SRRM2: variants seen among roughly 807,000 people sequenced by gnomAD.
SRRM2 encodes serine/arginine repetitive matrix 2, also known as serine/arginine repetitive matrix protein 2.
A neutral mutation model predicts 213.8 loss-of-function variants in SRRM2; 30 were observed. The observed-to-expected ratio is 0.14, with a 90% CI of 0.10 to 0.19. The LOEUF (loss-of-function observed/expected upper bound fraction) is 0.19, where lower values mean the gene tolerates loss of function less well. SRRM2 is among the 10% of genes least tolerant of loss of function. The probability of loss-of-function intolerance (pLI) is 1.00; values close to 1 mark genes in which losing one functional copy is unlikely to be tolerated. For missense variants in SRRM2, 4,904 were observed against 3,647.0 expected, an observed-to-expected ratio of 1.34 and a Z score of -8.88; for synonymous variants, 2,025 against 1,377.7, an observed-to-expected ratio of 1.47 and a Z score of -10.40.
In SRRM2 at chr16:2,769,032, TTCGAGAGGGACGTCC is replaced by T; in HGVS notation, c.7772_7786del (p.Arg2591_Pro2595del). On this transcript the variant is annotated inframe_deletion, in exon 12 of 15. Coordinates refer to ENST00000301740, the MANE Select transcript of SRRM2 (RefSeq NM_016333.4). ...CCCACCCCAGCCCCAAAGGAGGCTG[TTCGAGAGGGACGTCC>T]TCCGGAGCCAACCCCAGCCAAACGG... 6.2e-7 allele frequency: 1 copy of T among 1,614,034 alleles called. No individual in the cohort carries two copies. Among genetic ancestry groups the T allele is most frequent in the East Asian group, 2.2e-5 (1 of 44,872 alleles).
chr16:2,771,296 A>T lies in SRRM2; in HGVS notation c.*429A>T. On this transcript the variant is annotated 3_prime_UTR_variant, in exon 15 of 15. Coordinates refer to ENST00000301740, the MANE Select transcript of SRRM2 (RefSeq NM_016333.4). ...AATTAGTTGGTCCCTACTGTCCCCC[A>T]TGAGGTTGTGAACCCCTCCCCCCAA... is the stretch of plus-strand genomic sequence containing the variant. 2 of 986,238 alleles carry T rather than the reference A, an allele frequency of 2.0e-6. No individual in the cohort carries two copies. The highest frequency in any genetic ancestry group is 1.6e-6 in the Non-Finnish European group (1 of 628,518). 61.1% of individuals were successfully genotyped at this position (986,238 alleles called of 1,614,324 possible).
intron 5 of SRRM2, 83 bp from the exon 6 acceptor site, chr16:2,758,902 A>G: frequency 2.0e-6 from 3 of 1,524,340 alleles, no homozygotes; most frequent in South Asian, 2.3e-5. Context: ...GTGTTTTAGA[A>G]ACCTTTTTAG....
Position 2,768,854 on chromosome 16 carries a change from A to G in SRRM2, c.7734-143A>G, listed in dbSNP as rs1048376929. 4.6e-6 allele frequency: 7 copies of G among 1,520,216 alleles called. No individual in the cohort carries two copies. In the South Asian group the frequency reaches 6.0e-5, roughly 13 times the overall value. The allele number at this position is 1,520,216 out of a possible 1,614,324, so 94.2% of individuals were successfully genotyped here. A position where few individuals can be genotyped will look rare whatever the true frequency, so the allele number is the denominator to read the frequency against. On this transcript the variant is annotated intron_variant, in intron 11 of 14. Transcript: ENST00000301740. Reference sequence around the variant, plus strand: ...GTCAGCTCGCACCACTGCTCTCCAGAGAATTGCTGGCTCACGTGGCTCGGA... The same window carrying G: ...GTCAGCTCGCACCACTGCTCTCCAGGGAATTGCTGGCTCACGTGGCTCGGA...
rs1341069319 is a variant in SRRM2, at chr16:2,756,582, TGGA to T, written c.223_225del (p.Glu75del). 1 of 1,613,320 alleles carries T rather than the reference TGGA, an allele frequency of 6.2e-7. No homozygotes were observed. The highest frequency in any genetic ancestry group is 8.5e-7 in the Non-Finnish European group (1 of 1,179,714). ...CGCGTCGAGCTGCGATGCCTCGAGC[TGGA>T]GGAGATGATGGAAGAGCAGGGGTGA... On this transcript the variant is annotated inframe_deletion, in exon 2 of 15. Coordinates refer to ENST00000301740, the MANE Select transcript of SRRM2 (RefSeq NM_016333.4).
In SRRM2 at chr16:2,767,554, G is replaced by A; in HGVS notation, c.7026G>A (p.Arg2342=). 1 of 1,614,146 alleles carries A rather than the reference G, an allele frequency of 6.2e-7. No homozygotes were observed. The highest frequency in any genetic ancestry group is 2.2e-5 in the East Asian group (1 of 44,884). The change falls in exon 11 of 15, where the codon CGG becomes CGA. Residue 2342 remains arginine (R), a synonymous_variant. Coordinates refer to ENST00000301740, the MANE Select transcript of SRRM2 (RefSeq NM_016333.4). ...APASANLVGP[R]SAHATAPVNI... is the part of the protein sequence containing the mutation. ...CCTCTGCAAACCTGGTGGGTCCTCG[G>A]TCTGCACATGCCACAGCTCCTGTGA...
chr16:2,766,877 T>A lies in SRRM2; in HGVS notation c.6349T>A (p.Phe2117Ile). The change falls in exon 11 of 15, where the codon TTC becomes ATC. Residue 2117 changes from phenylalanine (F) to isoleucine (I), a missense_variant. Coordinates refer to ENST00000301740, the MANE Select transcript of SRRM2 (RefSeq NM_016333.4). The surrounding 1 kb of genome is among the most constrained non-coding windows in gnomAD (Gnocchi z 7.0). ...ACTCAACAGTTCCAGAATGAGCTGC[T>A]TCAGTCGTCCTAGCATGTCCCCAAC... ...VALNSSRMSCFSRPSMSPTPL... is the reference protein window; with the variant it reads ...VALNSSRMSCISRPSMSPTPL... The A allele has an allele frequency of 6.2e-7, 1 of 1,614,112 alleles. No individual in the cohort carries two copies. The highest frequency in any genetic ancestry group is 8.5e-7 in the Non-Finnish European group (1 of 1,180,024).
Position 2,764,741 on chromosome 16 carries a change from C to T in SRRM2, c.4213C>T (p.Pro1405Ser), listed in dbSNP as rs769689918. The change falls in exon 11 of 15, where the codon CCT becomes TCT. Residue 1405 changes from proline to serine, a missense_variant. By Grantham distance (74) the Pro-to-Ser change is moderately conservative (BLOSUM62 -1). Transcript: ENST00000301740. ...GTCTTCAAATCAGAGCATCTCTTCA[C>T]CTGTGCTTGATGCTGTACCCAGAAC... ...GMSSNQSISS[P>S]VLDAVPRTPS... is the part of the protein sequence containing the mutation. 5 of 1,614,064 alleles carry T rather than the reference C, an allele frequency of 3.1e-6. No homozygotes were observed. The highest frequency in any genetic ancestry group is 1.3e-5 in the African/African-American group (1 of 74,932).
Position 2,762,389 on chromosome 16 carries a change from G to A in SRRM2, c.1861G>A (p.Ala621Thr), listed in dbSNP as rs1481037174. The change falls in exon 11 of 15, where the codon GCT becomes ACT. Residue 621 changes from alanine (A) to threonine (T), a missense_variant. By Grantham distance (58) the Ala-to-Thr change is moderately conservative. Transcript: ENST00000301740. Reference sequence around the variant, plus strand: ...GGGCAGGTCTCGGTCTAGAACACCTGCTAGGCGCAGATCTAGGACCCGATC... The same window carrying A: ...GGGCAGGTCTCGGTCTAGAACACCTACTAGGCGCAGATCTAGGACCCGATC... ...RRGRSRSRTP[A>T]RRRSRTRSPV... 6.2e-7 allele frequency: 1 copy of A among 1,613,990 alleles called. No individual in the cohort carries two copies. The highest frequency in any genetic ancestry group is 1.3e-5 in the African/African-American group (1 of 74,898).
In SRRM2 at chr16:2,767,643, C is replaced by T. The variant is rs200491858; in HGVS notation, c.7115C>T (p.Ala2372Val). ...APASLTSARM[A>V]PALSGANLTS... ...GCGAGCCTCACCAGTGCTAGGATGG[C>T]TCCAGCATTGTCTGGTGCAAACCTC... Residue 2372 changes from alanine (A) to valine (V), a missense_variant, in exon 11 of 15, where the codon GCT becomes GTT. Physicochemically the swap from Ala to Val is moderately conservative, Grantham distance 64. Transcript: ENST00000301740. 8 of 1,614,196 alleles carry T rather than the reference C, an allele frequency of 5.0e-6. No individual in the cohort carries two copies. In the East Asian group the frequency reaches 6.7e-5, roughly 13 times the overall value.
intron 8 of SRRM2, 38 bp from the exon 9 acceptor site, chr16:2,759,531 C>T (rs894164407): frequency 2.1e-5 from 34 of 1,609,718 alleles, no homozygotes; most frequent in Non-Finnish European, 2.8e-5. Flanking sequence ...AGGGCAGGTA[C>T]AGCAGTACCC....
chr16:2,758,673 C>T (rs1285778998), intron 5 of SRRM2, 126 bp downstream of exon 5: 2 of 899,366 alleles, frequency 2.2e-6, no homozygotes. Context: ...AGGGAGTTAC[C>T]ATTGAGGCCT....
Position 2,768,983 on chromosome 16 carries a change from C to T in SRRM2, c.7734-14C>T, listed in dbSNP as rs200588138. Reference sequence around the variant, plus strand: ...GGCAGCTTGTCTCCTTGTGACACTCCTCTCCTCCCACAGGGTCCCCAGCCC... The same window carrying T: ...GGCAGCTTGTCTCCTTGTGACACTCTTCTCCTCCCACAGGGTCCCCAGCCC... On this transcript the variant is annotated splice_polypyrimidine_tract_variant and intron_variant, in intron 11 of 14. Coordinates refer to ENST00000301740, the MANE Select transcript of SRRM2 (RefSeq NM_016333.4). 3.1e-6 allele frequency: 5 copies of T among 1,611,970 alleles called. No individual in the cohort carries two copies. The highest frequency in any genetic ancestry group is 4.2e-6 in the Non-Finnish European group (5 of 1,178,884).
chr16:2,765,355 A>G lies in SRRM2; in HGVS notation c.4827A>G (p.Arg1609=), dbSNP rs754735586. The G allele has an allele frequency of 6.2e-7, 1 of 1,614,166 alleles. No homozygotes were observed. Among genetic ancestry groups the G allele is most frequent in the South Asian group, 1.1e-5 (1 of 91,084 alleles). Residue 1609 remains arginine (R), a synonymous_variant, in exon 11 of 15, where the codon AGA becomes AGG. Coordinates refer to ENST00000301740, the MANE Select transcript of SRRM2 (RefSeq NM_016333.4). The part of the protein sequence containing the change: ...GSSPEVKDKP[R]AAPRAQSGSD... ...CCCCTGAAGTGAAAGATAAGCCAAGAGCAGCACCCAGGGCACAGAGTGGTT... is the reference window on the plus strand; with the variant it reads ...CCCCTGAAGTGAAAGATAAGCCAAGGGCAGCACCCAGGGCACAGAGTGGTT...
intron 10 of SRRM2, chr16:2,760,747 G>T: frequency 2.1e-6 from 1 of 474,966 alleles, no homozygotes; most frequent in Non-Finnish European, 3.8e-6. Context: ...TTTATACATA[G>T]ATAGAACTGG....
chr16:2,762,672 C>G lies in SRRM2; in HGVS notation c.2144C>G (p.Ser715Cys), dbSNP rs370455127. 8.9e-5 allele frequency: 144 copies of G among 1,614,064 alleles called. No homozygotes were observed. Among genetic ancestry groups the G allele is most frequent in the Middle Eastern group, 1.6e-4 (1 of 6,084 alleles). The part of the protein sequence containing the change: ...RSLVRRGRSH[S>C]RTPQRRGRSG... ...TTAGTTAGACGTGGAAGATCTCACT[C>G]TAGAACACCTCAAAGAAGAGGCAGA... Residue 715 changes from serine (S) to cysteine (C), a missense_variant, in exon 11 of 15, where the codon TCT becomes TGT. Transcript: ENST00000301740.
chr16:2,756,464 C>G lies in SRRM2; in HGVS notation c.100C>G (p.Pro34Ala). The change falls in exon 2 of 15, where the codon CCT becomes GCT. Residue 34 changes from proline (P) to alanine (A), a missense_variant. By Grantham distance (27) the Pro-to-Ala change is conservative. Coordinates refer to ENST00000301740, the MANE Select transcript of SRRM2 (RefSeq NM_016333.4). ...SLVRGRRGER[P>A]DYKGEEELRR... Reference sequence around the variant, plus strand: ...GGTGCGGGGCCGCCGGGGTGAGCGGCCTGACTACAAGGGAGAGGAGGAACT... The same window carrying G: ...GGTGCGGGGCCGCCGGGGTGAGCGGGCTGACTACAAGGGAGAGGAGGAACT... 1 of 1,613,560 alleles carries G rather than the reference C, an allele frequency of 6.2e-7. No homozygotes were observed. Among genetic ancestry groups the G allele is most frequent in the Non-Finnish European group, 8.5e-7 (1 of 1,179,808 alleles).
intron 5 of SRRM2, 57 bp downstream of exon 5, chr16:2,758,604 TTC>T: frequency 1.3e-6 from 2 of 1,532,528 alleles, no homozygotes; most frequent in Non-Finnish European, 1.8e-6. Context: ...TGGTGTACCT[TTC>T]TCTCTGGAAG....
intron 5 of SRRM2, 135 bp downstream of exon 5, chr16:2,758,682 C>T: frequency 1.2e-6 from 1 of 839,176 alleles, no homozygotes; most frequent in Non-Finnish European, 1.9e-6. Flanking sequence ...CCATTGAGGC[C>T]TCAACTAGAA....
Position 2,769,108 on chromosome 16 carries a change from CTCT to C in SRRM2, c.7848_7850del (p.Ser2648del), listed in dbSNP as rs759395855. 9.3e-6 allele frequency: 15 copies of C among 1,613,998 alleles called. No homozygotes were observed. In the African/African-American group the frequency reaches 9.3e-5, roughly 10 times the overall value. On this transcript the variant is annotated inframe_deletion, in exon 12 of 15. Coordinates refer to ENST00000301740, the MANE Select transcript of SRRM2 (RefSeq NM_016333.4). The stretch of plus-strand genomic sequence containing the variant: ...CTAGCAGTTCCAGTTCCAGCTCCTC[CTCT>C]TCATCTTCCTCCTCCTCCTCCTCCT...
Sources: gnomAD v4.1 joint callset for allele counts on GRCh38, gnomAD v4.1.1 for gene constraint, Gnocchi (gnomAD v3.1) non-coding constraint, MANE v1.5 for transcripts, NCBI Gene and HGNC (gene_info 2026-07-23, HGNC 2026-07-21) for gene names.